PDE4D: variants seen among roughly 807,000 people sequenced by gnomAD.
PDE4D encodes the protein phosphodiesterase 4D.
Under a neutral mutation model 87.4 loss-of-function variants are expected in PDE4D, and 24 were observed. That is an observed-to-expected ratio of 0.27 (90% CI 0.20 to 0.39). PDE4D has a LOEUF of 0.39. Ranked by LOEUF, PDE4D falls within the 10% of genes least tolerant of loss-of-function variation. PDE4D has a pLI of 1.00. For missense variants in PDE4D, 714 were observed against 1,041.0 expected (o/e 0.69, Z 4.32); for synonymous variants, 384 against 383.2 (o/e 1.00, Z -0.02).
intron 3 of PDE4D, among the ~76,000 whole-genome samples, chr5:59,946,457 G>C (rs1206760642): frequency 6.6e-6 from 1 of 152,182 alleles, no homozygotes; most frequent in Non-Finnish European, 1.5e-5. Flanking sequence ...AGAAATAAGA[G>C]ATCAGCCAAA....
intron 11 of PDE4D, among the ~76,000 whole-genome samples, chr5:58,979,075 A>AT (rs1358499353): frequency 6.6e-6 from 1 of 152,236 alleles, no homozygotes; most frequent in African/African-American, 2.4e-5. Flanking sequence ...TAATTGGCTT[A>AT]TATGAAGCTG....
intron 1 of PDE4D, among the ~76,000 whole-genome samples, chr5:59,567,668 T>C (rs1411222439): frequency 6.6e-6 from 1 of 152,132 alleles, no homozygotes; most frequent in African/African-American, 2.4e-5. Flanking sequence ...TGAGAAAAAT[T>C]CAGCTTATAT....
Position 59,348,924 on chromosome 5 carries a change from A to AT in PDE4D, c.456-132957dup, listed in dbSNP as rs1780056678. On this transcript the variant is annotated intron_variant, in intron 1 of 14. Coordinates refer to ENST00000340635, the MANE Select transcript of PDE4D (RefSeq NM_001104631.2). ...CCGGGCAAAACAGACTCTAAAATAT[A>AT]TATTTTTTAAGCCAGGAATGGTAGG... 4.0e-5 allele frequency among the ~76,000 whole-genome samples: 6 copies of AT among 150,882 alleles called. No individual in the cohort carries two copies. In the South Asian group the frequency reaches 1.3e-3, roughly 33 times the overall value.
At chr5:60,369,599 C>T (rs939932332) in intron 1 of PDE4D, among the ~76,000 whole-genome samples, 3 of 152,112 alleles carry the variant, frequency 2.0e-5, no homozygotes, top group South Asian at 2.1e-4. Context: ...GGACAAGCCA[C>T]GAGGAGCATG....
At chr5:60,397,485 A>G (rs1356987353) in intron 1 of PDE4D, among the ~76,000 whole-genome samples, 1 of 152,256 alleles carries the variant, frequency 6.6e-6, no homozygotes, top group Non-Finnish European at 1.5e-5. Flanking sequence ...TGTCATGTGC[A>G]ACAACATTAC....
At chr5:59,163,279 T>C (rs1197094792) in intron 5 of PDE4D, among the ~76,000 whole-genome samples, 1 of 88,132 alleles carries the variant, frequency 1.1e-5, no homozygotes, top group Non-Finnish European at 2.5e-5. Context: ...AACAATCTTT[T>C]TTTTTTTTTT....
At chr5:59,323,976 T>G (rs1775181010) in intron 1 of PDE4D, among the ~76,000 whole-genome samples, 2 of 152,124 alleles carry the variant, frequency 1.3e-5, no homozygotes, top group Non-Finnish European at 2.9e-5. Flanking sequence ...CCAACTAATT[T>G]TTCTGCATCT....
chr5:59,116,548 C>T (rs1410617706), intron 5 of PDE4D, among the ~76,000 whole-genome samples: 1 of 152,132 alleles, frequency 6.6e-6, no homozygotes, highest in African/African-American at 2.4e-5. Context: ...ATAAAAAGAA[C>T]CCACAACTGC....
chr5:59,176,994 C>T (rs1050124770), intron 5 of PDE4D, among the ~76,000 whole-genome samples: 1 of 152,180 alleles, frequency 6.6e-6, no homozygotes, highest in Non-Finnish European at 1.5e-5. Context: ...GCAAGCTTGC[C>T]TTTCTCTCAC....
At chr5:60,063,102 GAAAGAAAGAAAGAAAGAAAGA>G (rs1562044314) in intron 2 of PDE4D, among the ~76,000 whole-genome samples, 4 of 62,098 alleles carry the variant, frequency 6.4e-5, no homozygotes, top group South Asian at 4.6e-4. Context: ...AAAGAAGAAA[GAAAGAAAGAAAGAAAGAAAGA>G]AAGAAAGAAA....
intron 1 of PDE4D, among the ~76,000 whole-genome samples, chr5:60,365,580 T>G (rs1190647106): frequency 1.3e-5 from 2 of 152,206 alleles, no homozygotes; most frequent in Admixed American, 6.5e-5. Flanking sequence ...GATGAATCAA[T>G]AGATAGATAA....
intron 1 of PDE4D, among the ~76,000 whole-genome samples, chr5:59,442,698 A>G (rs918361312): frequency 6.6e-6 from 1 of 152,238 alleles, no homozygotes; most frequent in African/African-American, 2.4e-5. Context: ...AGCAGAGGGA[A>G]TAGGTGCAGC....
At chr5:59,333,046 T>A (rs147495802) in intron 1 of PDE4D, among the ~76,000 whole-genome samples, 1 of 152,218 alleles carries the variant, frequency 6.6e-6, no homozygotes, top group African/African-American at 2.4e-5. Context: ...GTTTCTGTTA[T>A]TTACAATTGA....
chr5:59,454,485 A>G (rs1170766935), intron 1 of PDE4D, among the ~76,000 whole-genome samples: 1 of 152,146 alleles, frequency 6.6e-6, no homozygotes, highest in Non-Finnish European at 1.5e-5. Context: ...GCCTTCCGCC[A>G]TGATTGTGAG....
rs866521978 is a variant in PDE4D at position 59,916,119 on chromosome 5, T to C, written c.272+72369A>G. Among the ~76,000 whole-genome samples the C allele has an allele frequency of 4.6e-5, 7 of 152,228 alleles. No homozygotes were observed. The South Asian group carries it at 1.2e-3, about 27-fold the overall frequency. On this transcript the variant is annotated intron_variant, in intron 3 of 16. Transcript: ENST00000502484. Reference sequence around the variant, plus strand: ...CACAAAATATAATCTATGAGAATGCTTTTTTTCCTGAACTTTTATATAATA... The same window carrying C: ...CACAAAATATAATCTATGAGAATGCCTTTTTTCCTGAACTTTTATATAATA...
At chr5:60,211,035 C>T (rs1053737307) in intron 1 of PDE4D, among the ~76,000 whole-genome samples, 2 of 152,178 alleles carry the variant, frequency 1.3e-5, no homozygotes, top group Admixed American at 1.3e-4. Context: ...AGGGGCGCGA[C>T]AGGAGCCGGC....
intron 1 of PDE4D, among the ~76,000 whole-genome samples, chr5:60,353,794 T>C (rs1171463248): frequency 6.6e-6 from 1 of 152,204 alleles, no homozygotes; most frequent in Non-Finnish European, 1.5e-5. Context: ...CCAAATACTT[T>C]ATATGCATAC....
chr5:60,358,963 ATTCATTTAATTAATC>A (rs1475048286), intron 1 of PDE4D, among the ~76,000 whole-genome samples: 1 of 152,130 alleles, frequency 6.6e-6, no homozygotes, highest in African/African-American at 2.4e-5. Flanking sequence ...TCACTAATTA[ATTCATTTAATTAATC>A]AAAAGACATC....
intron 1 of PDE4D, among the ~76,000 whole-genome samples, chr5:59,316,381 G>C (rs1465711767): frequency 6.6e-6 from 1 of 151,830 alleles, no homozygotes; most frequent in Non-Finnish European, 1.5e-5. Context: ...TTTTTTTAAT[G>C]TTACATTGAT....
Sources: gnomAD v4.1 joint callset for allele counts (sites outside exome capture counted in the v4.1 genomes callset) on GRCh38, gnomAD v4.1.1 for gene constraint, MANE v1.5 for transcripts, NCBI Gene and HGNC (gene_info 2026-07-23, HGNC 2026-07-21) for gene names.